Variants in TFDP3 observed in about 807,000 individuals in gnomAD.
TFDP3 encodes transcription factor Dp family member 3.
For synonymous variants in TFDP3, 167 were observed against 131.3 expected, an observed-to-expected ratio of 1.27 and a Z score of -1.86; for missense variants, 353 against 321.6, an observed-to-expected ratio of 1.10 and a Z score of -0.75.
In TFDP3 at chrX:133,218,242, A is replaced by G. The variant is rs2068022227; in HGVS notation, c.18T>C (p.Ser6=). Reference sequence around the variant, plus strand: ...TGAGTTCTTCGTTAGCTTCAGTGAGACTGACATATTTTGCCATGTTAACAG... The same window carrying G: ...TGAGTTCTTCGTTAGCTTCAGTGAGGCTGACATATTTTGCCATGTTAACAG... MAKYV[S]LTEANEELKV... Residue 6 remains serine (S), a synonymous_variant, in exon 1 of 1, where the codon AGT becomes AGC. Coordinates refer to ENST00000310125, the MANE Select transcript of TFDP3 (RefSeq NM_016521.3). 7 of 1,135,928 alleles carry G rather than the reference A, an allele frequency of 6.2e-6. No homozygotes were observed. The highest frequency in any genetic ancestry group is 8.1e-6 in the Non-Finnish European group (7 of 860,098). 93.6% of individuals were successfully genotyped at this position (1,135,928 alleles called of 1,213,427 possible).
In TFDP3 at chrX:133,217,315, T is replaced by G; in HGVS notation, c.945A>C (p.Lys315Asn). 2 of 1,212,094 alleles carry G rather than the reference T, an allele frequency of 1.7e-6. No homozygotes were observed. Among genetic ancestry groups the G allele is most frequent in the Non-Finnish European group, 2.2e-6 (2 of 895,603 alleles). The change falls in exon 1 of 1, where the codon AAA (lysine) becomes AAC (asparagine). Residue 315 changes from lysine (K) to asparagine (N), a missense_variant. Physicochemically the swap from Lys to Asn is moderately conservative, Grantham distance 94. Transcript: ENST00000310125. The stretch of plus-strand genomic sequence containing the variant: ...CCTTTGGGACCAAATTTCTGGCCAT[T>G]TTAAGGTCTTCGGCAGAGCAGCTCC... ...ESGSCSAEDL[K>N]MARNLVPKAL...
Position 133,217,364 on chromosome X carries a change from C to A in TFDP3, c.896G>T (p.Gly299Val), listed in dbSNP as rs2068016463. 1 of 1,210,432 alleles carries A rather than the reference C, an allele frequency of 8.3e-7. No homozygotes were observed. The highest frequency in any genetic ancestry group is 1.1e-6 in the Non-Finnish European group (1 of 895,338). Reference sequence around the variant, plus strand: ...CCCGGACTCTAGCCCAAAAGTCATGCCCATCCACATCAGCACTTCTGTGTC... The same window carrying A: ...CCCGGACTCTAGCCCAAAAGTCATGACCATCCACATCAGCACTTCTGTGTC... ...HDDTEVLMWMGMTFGLESGSC... is the reference protein window; with the variant it reads ...HDDTEVLMWMVMTFGLESGSC... The change falls in exon 1 of 1, where the codon GGC (glycine) becomes GTC (valine). Residue 299 changes from glycine (G) to valine (V), a missense_variant. Gly to Val is a moderately radical substitution (Grantham distance 109). Coordinates refer to ENST00000310125, the MANE Select transcript of TFDP3 (RefSeq NM_016521.3).
In TFDP3 at chrX:133,217,667, T is replaced by C; in HGVS notation, c.593A>G (p.Gln198Arg). ...GLTTNSAQNC[Q>R]NLRVERQKRL... ...CTTCTGTCTTTCCACCCGTAAGTTC[T>C]GACAGTTCTGAGCCGAGTTGGTGGT... The change falls in exon 1 of 1, where the codon CAG becomes CGG. Residue 198 changes from glutamine (Q) to arginine (R), a missense_variant. Transcript: ENST00000310125. 1.6e-6 allele frequency: 2 copies of C among 1,212,306 alleles called. No individual in the cohort carries two copies. Among genetic ancestry groups the C allele is most frequent in the Non-Finnish European group, 2.2e-6 (2 of 895,587 alleles).
chrX:133,217,326 C>A lies in TFDP3; in HGVS notation c.934G>T (p.Glu312Ter). ...FGLESGSCSA[E>*]DLKMARNLVP... ...AAATTTCTGGCCATTTTAAGGTCTT[C>A]GGCAGAGCAGCTCCCGGACTCTAGC... is the stretch of plus-strand genomic sequence containing the variant. The change falls in exon 1 of 1, where the codon GAA becomes TAA. Residue 312 changes from glutamate (E) to a stop codon, truncating the protein, a stop_gained. Coordinates refer to ENST00000310125, the MANE Select transcript of TFDP3 (RefSeq NM_016521.3). LOFTEE classifies it low-confidence loss of function (END_TRUNC). 1 of 1,212,070 alleles carries A rather than the reference C, an allele frequency of 8.3e-7. No homozygotes were observed. The highest frequency in any genetic ancestry group is 3.0e-5 in the East Asian group (1 of 33,852).
chrX:133,217,657 C>G lies in TFDP3; in HGVS notation c.603G>C (p.Arg201=). The G allele has an allele frequency of 8.2e-7, 1 of 1,212,132 alleles. No individual in the cohort carries two copies. Among genetic ancestry groups the G allele is most frequent in the Non-Finnish European group, 1.1e-6 (1 of 895,578 alleles). ...TTTCAAGTCTCTTCTGTCTTTCCACCCGTAAGTTCTGACAGTTCTGAGCCG... is the reference window on the plus strand; with the variant it reads ...TTTCAAGTCTCTTCTGTCTTTCCACGCGTAAGTTCTGACAGTTCTGAGCCG... ...TNSAQNCQNL[R]VERQKRLERI... Residue 201 remains arginine, a synonymous_variant, in exon 1 of 1, where the codon CGG becomes CGC. Coordinates refer to ENST00000310125, the MANE Select transcript of TFDP3 (RefSeq NM_016521.3).
At position 133,217,023 on chromosome X, in the gene TFDP3, A is replaced by C; in HGVS notation, c.*19T>G. 1 of 1,165,973 alleles carries C rather than the reference A, an allele frequency of 8.6e-7. No individual in the cohort carries two copies. Among genetic ancestry groups the C allele is most frequent in the Non-Finnish European group, 1.1e-6 (1 of 874,107 alleles). On this transcript the variant is annotated 3_prime_UTR_variant, in exon 1 of 1. Coordinates refer to ENST00000310125, the MANE Select transcript of TFDP3 (RefSeq NM_016521.3). ...TCCCTAAATGTTTTCCTGAAGCTGAATCTTAAGGCGAGAGGACGTCAGTCA... is the reference window on the plus strand; with the variant it reads ...TCCCTAAATGTTTTCCTGAAGCTGACTCTTAAGGCGAGAGGACGTCAGTCA...
At position 133,218,029 on chromosome X, in the gene TFDP3, G is replaced by C. The variant is rs1273428174; in HGVS notation, c.231C>G (p.Asn77Lys). The C allele has an allele frequency of 8.3e-7, 1 of 1,211,979 alleles. No individual in the cohort carries two copies. Among genetic ancestry groups the C allele is most frequent in the Middle Eastern group, 2.3e-4 (1 of 4,356 alleles). ...ASNIPVVGSP[N>K]PPSTHFASQN... ...GAGAGGCAAAGTGAGTGCTGGGTGG[G>C]TTTGGGCTTCCTACCACAGGGATGT... The change falls in exon 1 of 1, where the codon AAC becomes AAG. Residue 77 changes from asparagine to lysine, a missense_variant. Coordinates refer to ENST00000310125, the MANE Select transcript of TFDP3 (RefSeq NM_016521.3).
rs1361706276 is a variant in TFDP3, at chrX:133,217,806, C to T, written c.454G>A (p.Glu152Lys). The T allele has an allele frequency of 6.6e-6, 8 of 1,211,518 alleles. No homozygotes were observed. The highest frequency in any genetic ancestry group is 3.0e-5 in the East Asian group (1 of 33,829). The change falls in exon 1 of 1, where the codon GAG (glutamate) becomes AAG (lysine). Residue 152 changes from glutamate (E) to lysine (K), a missense_variant. By Grantham distance (56) the Glu-to-Lys change is moderately conservative. Coordinates refer to ENST00000310125, the MANE Select transcript of TFDP3 (RefSeq NM_016521.3). ...ATGTTTTTCACGTCATAAGCTGACT[C>T]GTTTGGTGAGGCGTGGTTGCTGGCA... ...RAASNHASPN[E>K]SAYDVKNIKR...
rs1241706917 is a variant in TFDP3, at chrX:133,218,212, G to A, written c.48C>T (p.Val16=). The A allele has an allele frequency of 4.3e-6, 5 of 1,167,978 alleles. No homozygotes were observed. Among genetic ancestry groups the A allele is most frequent in the Middle Eastern group, 4.7e-4 (2 of 4,219 alleles). ...SLTEANEELK[V]LMDENQTSRP... is the part of the protein sequence containing the mutation. ...GGCTGGTCTGGTTCTCGTCCATTAA[G>A]ACCTTGAGTTCTTCGTTAGCTTCAG... Residue 16 remains valine (V), a synonymous_variant, in exon 1 of 1, where the codon GTC becomes GTT. Coordinates refer to ENST00000310125, the MANE Select transcript of TFDP3 (RefSeq NM_016521.3).
rs777553396 is a variant in TFDP3 at position 133,217,160 on chromosome X, G to A, written c.1100C>T (p.Ala367Val). 7 of 1,211,311 alleles carry A rather than the reference G, an allele frequency of 5.8e-6. No individual in the cohort carries two copies. The East Asian group carries it at 1.8e-4, about 31-fold the overall frequency. Residue 367 changes from alanine to valine, a missense_variant, in exon 1 of 1, where the codon GCC becomes GTC. Coordinates refer to ENST00000310125, the MANE Select transcript of TFDP3 (RefSeq NM_016521.3). ...DLTNIAIGML[A>V]TSSGGSQYSG... The stretch of plus-strand genomic sequence containing the variant: ...GTACTGAGATCCACCGGAGCTTGTG[G>A]CCAGCATCCCAATCGCAATGTTGGT...
In TFDP3 at chrX:133,217,276, G is replaced by A. The variant is rs368769605; in HGVS notation, c.984C>T (p.Tyr328=). The change falls in exon 1 of 1, where the codon TAC becomes TAT. Residue 328 remains tyrosine, a synonymous_variant. Transcript: ENST00000310125. ...RNLVPKALEP[Y]VTEMAQGTFG... ...AAGTTCCCTGAGCCATTTCTGTCAC[G>A]TACGGCTCCAGAGCCTTTGGGACCA... 104 of 1,210,575 alleles carry A rather than the reference G, an allele frequency of 8.6e-5. 1 individual carries two copies. The East Asian group carries it at 1.5e-3, about 18-fold the overall frequency.
rs370303784 is a variant in TFDP3 at position 133,217,924 on chromosome X, G to A, written c.336C>T (p.Cys112=). 2.8e-5 allele frequency: 34 copies of A among 1,209,991 alleles called. No homozygotes were observed. The highest frequency in any genetic ancestry group is 5.9e-5 in the East Asian group (2 of 33,748). ...TCTCCCAGACCTTCATGGAAAGACG[G>A]CACAGGCCCATGCCATTCTTCTCTC... ...RKGEKNGMGL[C]RLSMKVWETV... The change falls in exon 1 of 1, where the codon TGC becomes TGT. Residue 112 remains cysteine (C), a synonymous_variant. Transcript: ENST00000310125.
Position 133,217,089 on chromosome X carries a change from C to T in TFDP3, c.1171G>A (p.Glu391Lys). ...ETPAVEEEEEEDNNDDDLSEN... is the reference protein window; with the variant it reads ...ETPAVEEEEEKDNNDDDLSEN... ...CTGAGGTCGTCATCGTTGTTGTCCT[C>T]CTCCTCTTCCTCCTCGACTGCTGGG... Residue 391 changes from glutamate (E) to lysine (K), a missense_variant, in exon 1 of 1, where the codon GAG becomes AAG. Coordinates refer to ENST00000310125, the MANE Select transcript of TFDP3 (RefSeq NM_016521.3). The T allele has an allele frequency of 8.3e-7, 1 of 1,210,540 alleles. No homozygotes were observed. The highest frequency in any genetic ancestry group is 1.1e-6 in the Non-Finnish European group (1 of 894,740).
rs772108089 is a variant in TFDP3, at chrX:133,217,870, G to A, written c.390C>T (p.Cys130=). The part of the protein sequence containing the change: ...ETVQRKGTTS[C]QEVVGELVAK... Reference sequence around the variant, plus strand: ...CGACCAGCTCGCCCACCACTTCCTGGCAGGAAGTGGTCCCTTTCCTCTGCA... The same window carrying A: ...CGACCAGCTCGCCCACCACTTCCTGACAGGAAGTGGTCCCTTTCCTCTGCA... Residue 130 remains cysteine (C), a synonymous_variant, in exon 1 of 1, where the codon TGC becomes TGT. Coordinates refer to ENST00000310125, the MANE Select transcript of TFDP3 (RefSeq NM_016521.3). The A allele has an allele frequency of 8.3e-7, 1 of 1,209,622 alleles. No individual in the cohort carries two copies. The highest frequency in any genetic ancestry group is 2.2e-5 in the Admixed American group (1 of 45,826).
At position 133,216,795 on chromosome X, in the gene TFDP3, C is replaced by T. The variant is rs767721939; in HGVS notation, c.*247G>A. On this transcript the variant is annotated 3_prime_UTR_variant, in exon 1 of 1. Transcript: ENST00000310125. ...TAAAGAAAAATAGAAAATGAAAACACAAAATCCTAAAAAGTAAATAAAGAT... is the reference window on the plus strand; with the variant it reads ...TAAAGAAAAATAGAAAATGAAAACATAAAATCCTAAAAAGTAAATAAAGAT... 3.3e-5 allele frequency: 11 copies of T among 333,923 alleles called. No homozygotes were observed. The Admixed American group carries it at 3.4e-4, about 10-fold the overall frequency. The allele number at this position is 333,923 out of a possible 1,213,427, so 27.5% of individuals were successfully genotyped here.
At position 133,217,362 on chromosome X, in the gene TFDP3, T is replaced by C; in HGVS notation, c.898A>G (p.Met300Val). The change falls in exon 1 of 1, where the codon ATG becomes GTG. Residue 300 changes from methionine (M) to valine (V), a missense_variant. Transcript: ENST00000310125. ...CTCCCGGACTCTAGCCCAAAAGTCATGCCCATCCACATCAGCACTTCTGTG... is the reference window on the plus strand; with the variant it reads ...CTCCCGGACTCTAGCCCAAAAGTCACGCCCATCCACATCAGCACTTCTGTG... ...DDTEVLMWMG[M>V]TFGLESGSCS... The C allele has an allele frequency of 9.9e-6, 12 of 1,212,209 alleles. No homozygotes were observed. The highest frequency in any genetic ancestry group is 1.7e-5 in the African/African-American group (1 of 57,900).
Position 133,216,906 on chromosome X carries a change from T to C in TFDP3, c.*136A>G. On this transcript the variant is annotated 3_prime_UTR_variant, in exon 1 of 1. Coordinates refer to ENST00000310125, the MANE Select transcript of TFDP3 (RefSeq NM_016521.3). The stretch of plus-strand genomic sequence containing the variant: ...ACAATCCTTGCTTATCAGAGGTGCA[T>C]ATCTAAATTCTATAGCTTACCAATA... 3.3e-6 allele frequency: 3 copies of C among 905,858 alleles called. No individual in the cohort carries two copies. Among genetic ancestry groups the C allele is most frequent in the Non-Finnish European group, 4.4e-6 (3 of 684,231 alleles). 74.7% of individuals were successfully genotyped at this position (905,858 alleles called of 1,213,427 possible). A position where few individuals can be genotyped will look rare whatever the true frequency, so the allele number is the denominator to read the frequency against.
At position 133,217,873 on chromosome X, in the gene TFDP3, G is replaced by A. The variant is rs1266280351; in HGVS notation, c.387C>T (p.Ser129=). The A allele has an allele frequency of 8.3e-7, 1 of 1,209,960 alleles. No individual in the cohort carries two copies. The highest frequency in any genetic ancestry group is 3.0e-5 in the East Asian group (1 of 33,742). ...WETVQRKGTT[S]CQEVVGELVA... ...CCAGCTCGCCCACCACTTCCTGGCA[G>A]GAAGTGGTCCCTTTCCTCTGCACCG... Residue 129 remains serine, a synonymous_variant, in exon 1 of 1, where the codon TCC becomes TCT. Transcript: ENST00000310125.
Position 133,217,465 on chromosome X carries a change from G to T in TFDP3, c.795C>A (p.Thr265=). The T allele has an allele frequency of 1.7e-6, 2 of 1,211,757 alleles. No homozygotes were observed. The highest frequency in any genetic ancestry group is 2.2e-6 in the Non-Finnish European group (2 of 895,469). ...CGTCGGAGATGCTGCAGTTGATGAC[G>T]GTCTTCTTGCTACTGCTGATGATGA... is the stretch of plus-strand genomic sequence containing the variant. ...PFIIISSSKK[T]VINCSISDDK... Residue 265 remains threonine, a synonymous_variant, in exon 1 of 1, where the codon ACC becomes ACA. Transcript: ENST00000310125.
Sources: allele counts gnomAD v4.1 joint callset, GRCh38; gene constraint gnomAD v4.1.1; transcripts MANE v1.5; gene names NCBI Gene and HGNC (gene_info 2026-07-23, HGNC 2026-07-21).